The following PIEZO1 variants were observed in gnomAD, a reference collection of about 807,000 sequenced individuals.
PIEZO1 encodes piezo-type mechanosensitive ion channel component 1.
PIEZO1 carries 296 observed loss-of-function variants against 297.2 expected under a neutral mutation model. The observed-to-expected ratio is 1.00, with a 90% CI of 0.91 to 1.10. PIEZO1 has a LOEUF of 1.10. PIEZO1 is among the 50% of genes least tolerant of loss of function. PIEZO1 has a pLI of 0.00. For synonymous variants in PIEZO1, 2,427 were observed against 1,507.5 expected, an observed-to-expected ratio of 1.61 and a Z score of -14.13; for missense variants, 5,018 against 3,455.5, an observed-to-expected ratio of 1.45 and a Z score of -11.34.
In PIEZO1 at chr16:88,716,242, G is replaced by A. The variant is rs1238712900; in HGVS notation, c.7085C>T (p.Ala2362Val). The A allele has an allele frequency of 6.7e-7, 1 of 1,496,084 alleles. No individual in the cohort carries two copies. Among genetic ancestry groups the A allele is most frequent in the Non-Finnish European group, 9.0e-7 (1 of 1,117,250 alleles). 92.7% of individuals were successfully genotyped at this position (1,496,084 alleles called of 1,614,324 possible). Residue 2362 changes from alanine to valine, a missense_variant, in exon 49 of 51, where the codon GCC (alanine) becomes GTC (valine). By Grantham distance (64) the Ala-to-Val change is moderately conservative (BLOSUM62 0). Transcript: ENST00000301015. The part of the protein sequence containing the change: ...IPNLFPKYIR[A>V]PNGPEANPVK... ...AGGGTTGGCTTCGGGCCCGTTGGGG[G>A]CACGGATGTACTTGGGGAAGAGATT... is the stretch of plus-strand genomic sequence containing the variant.
At chr16:88,763,138 G>T (rs964419514) in intron 1 of PIEZO1, among the ~76,000 whole-genome samples, 5 of 152,172 alleles carry the variant, frequency 3.3e-5, no homozygotes, top group African/African-American at 1.2e-4. Context: ...CCTGCCCAGG[G>T]GCCAGCTGGT....
At position 88,738,247 on chromosome 16, in the gene PIEZO1, C is replaced by G. The variant is rs1280947499; in HGVS notation, c.828G>C (p.Pro276=). 3 of 1,535,784 alleles carry G rather than the reference C, an allele frequency of 2.0e-6. No homozygotes were observed. Among genetic ancestry groups the G allele is most frequent in the East Asian group, 4.9e-5 (2 of 40,918 alleles). ...YQMPLAQALL[P]PAGIWARVLG... ...GTTACCTAGCCCAGATGCCGGCAGG[C>G]GGGAGCAGAGCCTGTGCCAAGGGCA... is the stretch of plus-strand genomic sequence containing the variant. Residue 276 remains proline (P), a synonymous_variant, in exon 7 of 51, where the codon CCG becomes CCC. Coordinates refer to ENST00000301015, the MANE Select transcript of PIEZO1 (RefSeq NM_001142864.4).
chr16:88,757,726 C>T (rs948610170), intron 1 of PIEZO1, among the ~76,000 whole-genome samples: 1 of 152,126 alleles, frequency 6.6e-6, no homozygotes, highest in East Asian at 1.9e-4. Context: ...GGGCCAGCTG[C>T]CATGGCTGGA....
chr16:88,721,310 T>G lies in PIEZO1; in HGVS notation c.5524A>C (p.Ile1842Leu). 1 of 1,546,130 alleles carries G rather than the reference T, an allele frequency of 6.5e-7. No homozygotes were observed. The highest frequency in any genetic ancestry group is 8.7e-7 in the Non-Finnish European group (1 of 1,146,718). Residue 1842 changes from isoleucine to leucine, a missense_variant, in exon 39 of 51, where the codon ATT (isoleucine) becomes CTT (leucine). Physicochemically the swap from Ile to Leu is conservative, Grantham distance 5. Coordinates refer to ENST00000301015, the MANE Select transcript of PIEZO1 (RefSeq NM_001142864.4). ...GGTCCGACCCTGGCTTCCACCTGAA[T>G]GTGGTCTTCGGTGGTGGCCGCAGGC... ...GVPAATTEDH[I>L]QVEARVGPTD...
chr16:88,773,744 G>A (rs962461626), intron 1 of PIEZO1, among the ~76,000 whole-genome samples: 10 of 151,720 alleles, frequency 6.6e-5, no homozygotes, highest in Admixed American at 2.0e-4. Context: ...GCAGGTCGGC[G>A]GAGTGGACAG....
At chr16:88,732,268 G>C (rs993818621) in intron 21 of PIEZO1, 67 bp downstream of exon 21, 1 of 1,381,464 alleles carries the variant, frequency 7.2e-7, no homozygotes, top group Admixed American at 2.0e-5. Context: ...GTGCCTGCAC[G>C]GTGCAGCCGT....
chr16:88,784,667 G>A (rs890094325), intron 1 of PIEZO1, among the ~76,000 whole-genome samples: 13 of 151,624 alleles, frequency 8.6e-5, no homozygotes, highest in Middle Eastern at 3.2e-3. Context: ...GGCACGCGGT[G>A]CCGTCTCCCC....
chr16:88,736,225 T>C lies in PIEZO1; in HGVS notation c.1480A>G (p.Thr494Ala). The change falls in exon 12 of 51, where the codon ACC becomes GCC. Residue 494 changes from threonine (T) to alanine (A), a missense_variant. Coordinates refer to ENST00000301015, the MANE Select transcript of PIEZO1 (RefSeq NM_001142864.4). ...CGCAGGCTGACGGGGCCCAGGGTGG[T>C]GGGCAGCTCAGGGCGCAGGTCCATG... Reference protein sequence around the residue: ...WAMDLRPELPTTLGPVSLRQL... With the variant: ...WAMDLRPELPATLGPVSLRQL... 6.5e-7 allele frequency: 1 copy of C among 1,549,856 alleles called. No individual in the cohort carries two copies. Among genetic ancestry groups the C allele is most frequent in the Non-Finnish European group, 8.7e-7 (1 of 1,146,762 alleles).
Position 88,734,331 on chromosome 16 carries a change from C to G in PIEZO1, c.2180+25G>C, listed in dbSNP as rs1220243792. On this transcript the variant is annotated intron_variant, in intron 16 of 50. Coordinates refer to ENST00000301015, the MANE Select transcript of PIEZO1 (RefSeq NM_001142864.4). ...CCCAGGAGGCTACACCTCTCCAGGG[C>G]CGGACAGGGAGGGCGGGGCCGCACC... The G allele has an allele frequency of 2.0e-6, 3 of 1,490,052 alleles. No homozygotes were observed. The Admixed American group carries it at 6.7e-5, about 33-fold the overall frequency. 92.3% of individuals were successfully genotyped at this position (1,490,052 alleles called of 1,614,324 possible).
rs907859351 is a variant in PIEZO1 at position 88,727,221 on chromosome 16, C to G, written c.3302-29G>C. On this transcript the variant is annotated intron_variant, in intron 23 of 50. Coordinates refer to ENST00000301015, the MANE Select transcript of PIEZO1 (RefSeq NM_001142864.4). ...CAGGACACAGGAGCCGCCGCTGTGC[C>G]ACACGGGGACCCACACGAGGTGGGC... The G allele has an allele frequency of 3.3e-6, 5 of 1,507,638 alleles. No individual in the cohort carries two copies. The Admixed American group carries it at 8.5e-5, about 26-fold the overall frequency. The allele number at this position is 1,507,638 out of a possible 1,614,324, so 93.4% of individuals were successfully genotyped here.
In PIEZO1 at chr16:88,785,214, G is replaced by C. The variant is rs1908131780; in HGVS notation, c.-250C>G. The C allele has an allele frequency of 4.3e-6, 1 of 232,852 alleles. No homozygotes were observed. The highest frequency in any genetic ancestry group is 8.2e-6 in the Non-Finnish European group (1 of 121,458). The allele number at this position is 232,852 out of a possible 1,614,324, so 14.4% of individuals were successfully genotyped here. A position where few individuals can be genotyped will look rare whatever the true frequency, so the allele number is the denominator to read the frequency against. ...CTGGGGCCGAGCTGGGCCGGACGGC[G>C]GCTCCCGCCCTCCTCCGCCCGCGGG... On this transcript the variant is annotated 5_prime_UTR_variant, in exon 1 of 51. Coordinates refer to ENST00000301015, the MANE Select transcript of PIEZO1 (RefSeq NM_001142864.4).
intron 10 of PIEZO1, chr16:88,737,254 A>G: frequency 2.8e-6 from 1 of 354,254 alleles, no homozygotes; most frequent in Admixed American, 4.8e-5. Context: ...ACAAGACAGC[A>G]TAGCCACATT....
chr16:88,732,551 G>C lies in PIEZO1; in HGVS notation c.2791-16C>G, dbSNP rs780536256. 3.9e-6 allele frequency: 6 copies of C among 1,544,276 alleles called. No individual in the cohort carries two copies. The highest frequency in any genetic ancestry group is 2.7e-5 in the African/African-American group (2 of 72,918). ...GCAGGTGGTTCTGCGGAGGGCAAGG[G>C]TCAGGGGGCAGCCGGGTACTCGCCC... On this transcript the variant is annotated splice_polypyrimidine_tract_variant and intron_variant, in intron 20 of 50. Transcript: ENST00000301015.
Position 88,749,366 on chromosome 16 carries a change from A to G in PIEZO1, c.160+18T>C. The G allele has an allele frequency of 6.9e-7, 1 of 1,453,994 alleles. No homozygotes were observed. Among genetic ancestry groups the G allele is most frequent in the Non-Finnish European group, 9.0e-7 (1 of 1,107,460 alleles). The allele number at this position is 1,453,994 out of a possible 1,614,324, so 90.1% of individuals were successfully genotyped here. A position where few individuals can be genotyped will look rare whatever the true frequency, so the allele number is the denominator to read the frequency against. On this transcript the variant is annotated intron_variant, in intron 2 of 50. Transcript: ENST00000301015. The stretch of plus-strand genomic sequence containing the variant: ...CCCCTCCCACCCTGAGAGCGTGGGC[A>G]GGGTCCCCTGGCCTTACCTTGGAGG...
At chr16:88,754,022 G>T (rs12597751) in intron 1 of PIEZO1, among the ~76,000 whole-genome samples, 35,332 of 152,200 alleles carry the variant, frequency 0.23, 5,182 homozygotes, top group East Asian at 0.54. Context: ...GTGACCCCGT[G>T]GGGGTAATGC....
intron 1 of PIEZO1, among the ~76,000 whole-genome samples, chr16:88,776,568 G>C (rs1344974210): frequency 6.6e-6 from 1 of 152,214 alleles, no homozygotes; most frequent in African/African-American, 2.4e-5. Flanking sequence ...ACATCTAGGA[G>C]GGGAGGAAGG....
chr16:88,752,976 T>C (rs1906466170), intron 1 of PIEZO1, among the ~76,000 whole-genome samples: 1 of 151,992 alleles, frequency 6.6e-6, no homozygotes, highest in Admixed American at 6.6e-5. Context: ...TGGTGGACAG[T>C]TGGACAGACA....
Position 88,721,592 on chromosome 16 carries a change from G to A in PIEZO1, c.5349C>T (p.Ile1783=), listed in dbSNP as rs541207155. 2 of 1,550,354 alleles carry A rather than the reference G, an allele frequency of 1.3e-6. No homozygotes were observed. The highest frequency in any genetic ancestry group is 2.7e-5 in the African/African-American group (2 of 73,190). ...ILGLEKTDGY[I]KYDLVQLMAL... is the part of the protein sequence containing the mutation. ...CCATGAGCTGCACCAGGTCGTACTT[G>A]ATGTAGCCGTCAGTCTTCTCCAGGC... Residue 1783 remains isoleucine (I), a synonymous_variant, in exon 38 of 51, where the codon ATC becomes ATT. Transcript: ENST00000301015.
intron 1 of PIEZO1, among the ~76,000 whole-genome samples, chr16:88,773,458 C>A (rs1488905108): frequency 6.6e-6 from 1 of 152,246 alleles, no homozygotes. Flanking sequence ...CACAGACTGC[C>A]TCCACGTGGC....
Sources: gnomAD v4.1 joint callset for allele counts (sites outside exome capture counted in the v4.1 genomes callset) on GRCh38, gnomAD v4.1.1 for gene constraint, MANE v1.5 for transcripts, NCBI Gene and HGNC (gene_info 2026-07-23, HGNC 2026-07-21) for gene names.